Variants in SLC24A3 observed in about 807,000 individuals in gnomAD.
SLC24A3 encodes the protein solute carrier family 24 member 3.
Under a neutral mutation model 75.8 loss-of-function variants are expected in SLC24A3, and 28 were observed. The ratio of observed to expected loss-of-function variants is 0.37; its 90% CI spans 0.27 to 0.51. SLC24A3 has a LOEUF of 0.51. Ranked by LOEUF, SLC24A3 falls within the 20% of genes least tolerant of loss-of-function variation. The probability of loss-of-function intolerance (pLI) is 0.94; values close to 1 mark genes in which losing one functional copy is unlikely to be tolerated. For synonymous variants in SLC24A3, 372 were observed against 334.1 expected, an observed-to-expected ratio of 1.11 and a Z score of -1.24; for missense variants, 663 against 847.8, an observed-to-expected ratio of 0.78 and a Z score of 2.71.
At chr20:19,314,686 G>T (rs1046632087) in intron 2 of SLC24A3, among the ~76,000 whole-genome samples, 2 of 152,212 alleles carry the variant, frequency 1.3e-5, no homozygotes, top group African/African-American at 4.8e-5. Context: ...GAAGGGAGTT[G>T]CTGCGGAAGC....
chr20:19,695,761 C>A, intron 13 of SLC24A3: 1 of 152,138 alleles, frequency 6.6e-6, no homozygotes, highest in Non-Finnish European at 1.5e-5. Flanking sequence ...AACATTTCTG[C>A]CCCCAATCCT....
chr20:19,428,885 C>T (rs1402225522), intron 2 of SLC24A3, among the ~76,000 whole-genome samples: 2 of 152,164 alleles, frequency 1.3e-5, no homozygotes, highest in Non-Finnish European at 2.9e-5. Context: ...TTATCAGTAT[C>T]GATATCCTTA....
At chr20:19,669,117 T>C (rs1019351149) in intron 8 of SLC24A3, among the ~76,000 whole-genome samples, 1 of 152,148 alleles carries the variant, frequency 6.6e-6, no homozygotes, top group African/African-American at 2.4e-5. Context: ...TGCCTCAACC[T>C]AGTGGGTGGG....
intron 6 of SLC24A3, among the ~76,000 whole-genome samples, chr20:19,647,666 T>G (rs1049270668): frequency 7.9e-5 from 12 of 152,226 alleles, no homozygotes; most frequent in South Asian, 2.1e-4. Flanking sequence ...TAACTTACAC[T>G]TAACATGAAA....
At chr20:19,653,288 C>T (rs901380653) in intron 6 of SLC24A3, among the ~76,000 whole-genome samples, 7 of 152,192 alleles carry the variant, frequency 4.6e-5, no homozygotes, top group African/African-American at 1.7e-4. Context: ...CTTTAGCCTC[C>T]AGCAATGTGC....
chr20:19,356,560 G>T (rs767609580), intron 2 of SLC24A3, among the ~76,000 whole-genome samples: 2 of 152,132 alleles, frequency 1.3e-5, no homozygotes, highest in Admixed American at 6.5e-5. Flanking sequence ...CTATAGTGTG[G>T]CTCTACCACA....
intron 1 of SLC24A3, chr20:19,244,383 T>C (rs985582805): frequency 1.3e-5 from 2 of 152,190 alleles, no homozygotes; most frequent in African/African-American, 4.8e-5. Context: ...GGTGAGAACA[T>C]GCAGTGGGGA....
chr20:19,454,743 C>G (rs190785529), intron 2 of SLC24A3, among the ~76,000 whole-genome samples: 1 of 152,272 alleles, frequency 6.6e-6, no homozygotes, highest in Non-Finnish European at 1.5e-5. Flanking sequence ...TCTGCACAAC[C>G]TGCAGATGAA....
chr20:19,545,560 C>T (rs890153803), intron 3 of SLC24A3, among the ~76,000 whole-genome samples: 8 of 152,162 alleles, frequency 5.3e-5, no homozygotes, highest in Admixed American at 4.6e-4. Context: ...GTGATGTTAG[C>T]AGGTCCCTCT....
intron 1 of SLC24A3, among the ~76,000 whole-genome samples, chr20:19,267,601 T>C (rs915807633): frequency 1.3e-5 from 2 of 152,236 alleles, no homozygotes; most frequent in Non-Finnish European, 1.5e-5. Context: ...TTAAATCAGG[T>C]TATGTAATTT....
chr20:19,538,087 TG>T (rs1402057837), intron 3 of SLC24A3, among the ~76,000 whole-genome samples: 3 of 152,192 alleles, frequency 2.0e-5, no homozygotes, highest in African/African-American at 7.2e-5. Context: ...CCATAGTATC[TG>T]TCCAAGATAC....
chr20:19,712,160 A>G (rs2032999686), intron 15 of SLC24A3, among the ~76,000 whole-genome samples: 1 of 152,008 alleles, frequency 6.6e-6, no homozygotes, highest in Non-Finnish European at 1.5e-5. Flanking sequence ...TATGTTGCCC[A>G]GGCTGGTCTT....
intron 2 of SLC24A3, among the ~76,000 whole-genome samples, chr20:19,485,902 C>G (rs1209746666): frequency 6.6e-6 from 1 of 152,236 alleles, no homozygotes; most frequent in Non-Finnish European, 1.5e-5. Context: ...TCCTGAAAAC[C>G]TGACTGCCTT....
chr20:19,346,186 GTATA>G (rs377132621), intron 2 of SLC24A3, among the ~76,000 whole-genome samples: 1 of 74,026 alleles, frequency 1.4e-5, no homozygotes, highest in African/African-American at 7.9e-5. Flanking sequence ...TATATATGGT[GTATA>G]TATATATATG....
chr20:19,331,501 CAG>C, intron 2 of SLC24A3, among the ~76,000 whole-genome samples: 1 of 152,212 alleles, frequency 6.6e-6, no homozygotes, highest in Non-Finnish European at 1.5e-5. Flanking sequence ...GATAGATAAA[CAG>C]AATGCTAACA....
intron 1 of SLC24A3, among the ~76,000 whole-genome samples, chr20:19,259,003 C>T (rs1982903458): frequency 6.6e-6 from 1 of 152,164 alleles, no homozygotes; most frequent in Non-Finnish European, 1.5e-5. Flanking sequence ...AGCCTTGTTT[C>T]ACAATTAAAT....
At chr20:19,348,192 G>A (rs980116513) in intron 2 of SLC24A3, among the ~76,000 whole-genome samples, 2 of 152,208 alleles carry the variant, frequency 1.3e-5, no homozygotes, top group African/African-American at 4.8e-5. Flanking sequence ...GTTTCACACT[G>A]TGGCACTCTG....
chr20:19,372,110 G>A (rs1276532202), intron 2 of SLC24A3, among the ~76,000 whole-genome samples: 3 of 152,200 alleles, frequency 2.0e-5, no homozygotes, highest in Non-Finnish European at 4.4e-5. Context: ...CTTACACAAG[G>A]AACAGTAAAT....
intron 6 of SLC24A3, among the ~76,000 whole-genome samples, chr20:19,629,696 A>G (rs533510583): frequency 4.6e-4 from 70 of 152,368 alleles, no homozygotes; most frequent in Non-Finnish European, 8.5e-4. Flanking sequence ...CCATAAGATT[A>G]TCAATGGATT....
Sources: gnomAD v4.1 joint callset for allele counts (sites outside exome capture counted in the v4.1 genomes callset) on GRCh38, gnomAD v4.1.1 for gene constraint, MANE v1.5 for transcripts, NCBI Gene and HGNC (gene_info 2026-07-23, HGNC 2026-07-21) for gene names.